The following MTHFD1L variants were observed in gnomAD, a reference collection of about 807,000 sequenced individuals.
The protein encoded by MTHFD1L is monofunctional C1-tetrahydrofolate synthase, mitochondrial.
Under a neutral mutation model 119.5 loss-of-function variants are expected in MTHFD1L, and 81 were observed. That is an observed-to-expected ratio of 0.68 (90% CI 0.57 to 0.82). The LOEUF (loss-of-function observed/expected upper bound fraction) is 0.82. Among genes scored for constraint, MTHFD1L ranks in the 40% least tolerant of loss-of-function variants. MTHFD1L has a pLI of 0.00. For synonymous variants in MTHFD1L, 430 were observed against 475.2 expected, an observed-to-expected ratio of 0.90 and a Z score of 1.24; for missense variants, 1,125 against 1,253.4, an observed-to-expected ratio of 0.90 and a Z score of 1.55.
chr6:150,948,213 G>A (rs1583728547), intron 15 of MTHFD1L, among the ~76,000 whole-genome samples: 2 of 151,440 alleles, frequency 1.3e-5, no homozygotes, highest in African/African-American at 2.4e-5. Context: ...CTCCATGTTG[G>A]TCAGGCTGGT....
At chr6:151,044,238 T>C (rs1787588540) in intron 26 of MTHFD1L, among the ~76,000 whole-genome samples, 1 of 152,012 alleles carries the variant, frequency 6.6e-6, no homozygotes, top group Non-Finnish European at 1.5e-5. Context: ...CTCCTTCACT[T>C]TGGCCCCTCT....
chr6:151,021,854 G>A lies in MTHFD1L; in HGVS notation c.2586+6161G>A, dbSNP rs376536994. ...TTTTGCAAAGAAGGAGGTATGACCC[G>A]GAGAAGTCAGCTTGACATTCAGTCG... On this transcript the variant is annotated intron_variant, in intron 24 of 27. Transcript: ENST00000367321. Among the ~76,000 whole-genome samples, 9 of 152,340 alleles carry A rather than the reference G, an allele frequency of 5.9e-5. No individual in the cohort carries two copies. The South Asian group carries it at 1.0e-3, about 18-fold the overall frequency.
At chr6:151,099,210 A>C (rs1795145216) in intron 27 of MTHFD1L, among the ~76,000 whole-genome samples, 1 of 151,336 alleles carries the variant, frequency 6.6e-6, no homozygotes, top group Admixed American at 6.6e-5. Context: ...CACATACTCT[A>C]AGCACCTTTA....
At chr6:150,911,162 A>T (rs113161751) in intron 8 of MTHFD1L, among the ~76,000 whole-genome samples, 16 of 152,064 alleles carry the variant, frequency 1.1e-4, no homozygotes, top group African/African-American at 3.9e-4. Context: ...TGCTTTTTTT[A>T]AAAAAAGTAA....
chr6:150,908,576 G>A (rs1232170588), intron 8 of MTHFD1L, among the ~76,000 whole-genome samples: 3 of 150,806 alleles, frequency 2.0e-5, no homozygotes, highest in East Asian at 2.0e-4. Flanking sequence ...GCAGTGAGCC[G>A]AGATTGCACC....
Position 151,057,571 on chromosome 6 carries a change from G to A in MTHFD1L, c.2847+20454G>A, listed in dbSNP as rs148186469. Among the ~76,000 whole-genome samples the A allele has an allele frequency of 5.2e-4, 79 of 152,184 alleles. No individual in the cohort carries two copies. In the East Asian group the frequency reaches 0.011, roughly 22 times the overall value. ...CGCTTGGGCCCAGGAGGTAAAGGCT[G>A]AAGTGAGCTGTGATTGCGCCACTGC... On this transcript the variant is annotated intron_variant, in intron 26 of 27. Coordinates refer to ENST00000367321, the MANE Select transcript of MTHFD1L (RefSeq NM_015440.5).
chr6:151,009,790 T>C, intron 20 of MTHFD1L, 29 bp from the exon 21 acceptor site: 1 of 1,612,646 alleles, frequency 6.2e-7, no homozygotes, highest in Non-Finnish European at 8.5e-7. Flanking sequence ...TAGAAGATAA[T>C]AGCACATATT....
At chr6:151,086,229 G>C (rs1793786143) in intron 26 of MTHFD1L, among the ~76,000 whole-genome samples, 1 of 152,044 alleles carries the variant, frequency 6.6e-6, no homozygotes, top group Non-Finnish European at 1.5e-5. Flanking sequence ...AATAGAAATT[G>C]CAACTGTAGC....
In MTHFD1L at chr6:151,088,833, C is replaced by T. The variant is rs144162555; in HGVS notation, c.2848-3634C>T. ...TCATGTTCCGATCCACTGCAGCTAA[C>T]AAATACAGCTCCAGGAACCGCACAA... On this transcript the variant is annotated intron_variant, in intron 26 of 27. Transcript: ENST00000367321. Among the ~76,000 whole-genome samples, 287 of 152,280 alleles carry T rather than the reference C, an allele frequency of 1.9e-3. 2 individuals are homozygous for T. Among genetic ancestry groups the T allele is most frequent in the African/African-American group, 6.4e-3 (265 of 41,546 alleles).
chr6:150,891,403 A>G lies in MTHFD1L; in HGVS notation c.780+3422A>G, dbSNP rs949515021. Reference sequence around the variant, plus strand: ...CAACACAACATATATATATATATGTAATCTAATACATACATACATATAATA... The same window carrying G: ...CAACACAACATATATATATATATGTGATCTAATACATACATACATATAATA... On this transcript the variant is annotated intron_variant, in intron 7 of 27. Transcript: ENST00000367321. Among the ~76,000 whole-genome samples the G allele has an allele frequency of 8.7e-5, 13 of 149,714 alleles. No homozygotes were observed. The South Asian group carries it at 2.1e-3, about 24-fold the overall frequency.
intron 26 of MTHFD1L, among the ~76,000 whole-genome samples, chr6:151,085,447 C>T (rs1479537523): frequency 6.6e-6 from 1 of 152,118 alleles, no homozygotes; most frequent in African/African-American, 2.4e-5. Context: ...TTATTCTGTT[C>T]GTTCTTTTGA....
chr6:151,026,820 CTTT>C (rs1158007442), intron 24 of MTHFD1L, among the ~76,000 whole-genome samples: 1 of 51,264 alleles, frequency 2.0e-5, no homozygotes, highest in African/African-American at 8.5e-5. Context: ...CCTTTCTATC[CTTT>C]TTTTTTTTTT....
At chr6:150,874,132 T>A (rs1780004558) in intron 1 of MTHFD1L, among the ~76,000 whole-genome samples, 1 of 152,076 alleles carries the variant, frequency 6.6e-6, no homozygotes, top group Non-Finnish European at 1.5e-5. Flanking sequence ...TGGGCCTCAG[T>A]CACCCATTAT....
At chr6:150,974,738 T>TTTA (rs1776299780) in intron 20 of MTHFD1L, among the ~76,000 whole-genome samples, 1 of 151,606 alleles carries the variant, frequency 6.6e-6, no homozygotes, top group African/African-American at 2.4e-5. Context: ...TTTTTTTTTT[T>TTTA]TTTTTTATTT....
chr6:150,894,244 T>C (rs1290427070), intron 7 of MTHFD1L, among the ~76,000 whole-genome samples: 5 of 151,850 alleles, frequency 3.3e-5, no homozygotes, highest in Non-Finnish European at 7.4e-5. Flanking sequence ...AATATATGGG[T>C]CAATTAGGCA....
chr6:151,029,412 ACT>A (rs1334181668), intron 24 of MTHFD1L, among the ~76,000 whole-genome samples: 2 of 151,528 alleles, frequency 1.3e-5, no homozygotes, highest in East Asian at 3.9e-4. Context: ...ACAGAGTGAG[ACT>A]CTGTCTCAAA....
At chr6:150,885,094 T>G (rs1173472605) in intron 5 of MTHFD1L, among the ~76,000 whole-genome samples, 1 of 152,190 alleles carries the variant, frequency 6.6e-6, no homozygotes, top group East Asian at 1.9e-4. Context: ...GAACACCCAA[T>G]GTCAGGGCCA....
At chr6:150,959,111 T>G (rs1352839780) in intron 17 of MTHFD1L, 1 of 831,028 alleles carries the variant, frequency 1.2e-6, no homozygotes, top group African/African-American at 1.8e-5. Flanking sequence ...TGGAATGAGT[T>G]ATATTGAGAA....
intron 15 of MTHFD1L, among the ~76,000 whole-genome samples, chr6:150,946,374 G>A (rs201552728): frequency 3.6e-5 from 5 of 138,488 alleles, no homozygotes; most frequent in South Asian, 2.3e-4. Flanking sequence ...GGTCTCAAAC[G>A]CCTGACCTCA....
Sources: gnomAD v4.1 joint callset for allele counts (sites outside exome capture counted in the v4.1 genomes callset) on GRCh38, gnomAD v4.1.1 for gene constraint, MANE v1.5 for transcripts, NCBI Gene and HGNC (gene_info 2026-07-23, HGNC 2026-07-21) for gene names.